Variants in ATP9B observed in about 807,000 individuals in gnomAD.
The protein encoded by ATP9B is probable phospholipid-transporting ATPase IIB.
In ATP9B, 110 loss-of-function variants were observed where a neutral mutation model predicts 146.1. The observed-to-expected ratio is 0.75, with a 90% CI of 0.65 to 0.88. The LOEUF (loss-of-function observed/expected upper bound fraction) is 0.88. Ranked by LOEUF, ATP9B falls within the 40% of genes least tolerant of loss-of-function variation. ATP9B has a pLI of 0.00. For synonymous variants in ATP9B, 604 were observed against 569.7 expected, an observed-to-expected ratio of 1.06 and a Z score of -0.86; for missense variants, 1,499 against 1,496.4, an observed-to-expected ratio of 1.00 and a Z score of -0.03.
intron 11 of ATP9B, among the ~76,000 whole-genome samples, chr18:79,224,480 G>A (rs1196195795): frequency 2.0e-5 from 3 of 152,166 alleles, no homozygotes; most frequent in Non-Finnish European, 4.4e-5. Context: ...ACCTTCCCCA[G>A]GAGGATTTCT....
At chr18:79,306,870 AG>A (rs1350446162) in intron 14 of ATP9B, 115 bp from the exon 15 acceptor site, 7 of 1,202,098 alleles carry the variant, frequency 5.8e-6, no homozygotes, top group Non-Finnish European at 8.0e-6. Context: ...GAATCAAATC[AG>A]GCTACTTATT....
chr18:79,174,413 C>T, intron 7 of ATP9B, among the ~76,000 whole-genome samples: 1 of 152,208 alleles, frequency 6.6e-6, no homozygotes, highest in East Asian at 1.9e-4. Flanking sequence ...ATACCATAAA[C>T]TATTGAACAG....
At chr18:79,127,664 A>G (rs924266346) in intron 5 of ATP9B, among the ~76,000 whole-genome samples, 2 of 152,208 alleles carry the variant, frequency 1.3e-5, no homozygotes, top group African/African-American at 2.4e-5. Flanking sequence ...TAATGCAGCT[A>G]TGGACATTTG....
At chr18:79,365,426 C>G (rs1349606552) in intron 26 of ATP9B, among the ~76,000 whole-genome samples, 1 of 152,250 alleles carries the variant, frequency 6.6e-6, no homozygotes, top group Non-Finnish European at 1.5e-5. Context: ...GATACAGCCT[C>G]TTCGGAAGAC....
intron 11 of ATP9B, among the ~76,000 whole-genome samples, chr18:79,240,972 A>G (rs557777386): frequency 6.6e-6 from 1 of 152,290 alleles, no homozygotes; most frequent in African/African-American, 2.4e-5. Context: ...TGGAATAGAC[A>G]TAGTAAGACC....
chr18:79,320,941 T>C (rs2096712416), intron 15 of ATP9B, among the ~76,000 whole-genome samples: 2 of 152,192 alleles, frequency 1.3e-5, no homozygotes, highest in East Asian at 1.9e-4. Context: ...TTACATACTT[T>C]AGGAAAGTGT....
At chr18:79,344,466 ATGTCTGTC>A (rs368352912) in intron 21 of ATP9B, 112 bp downstream of exon 21, 8 of 921,172 alleles carry the variant, frequency 8.7e-6, no homozygotes, top group East Asian at 7.7e-5. Context: ...GAGTGAGTAC[ATGTCTGTC>A]TGTCTGTCTG....
intron 14 of ATP9B, 117 bp from the exon 15 acceptor site, chr18:79,306,869 C>A: frequency 2.5e-6 from 3 of 1,194,980 alleles, no homozygotes; most frequent in Non-Finnish European, 2.3e-6. Flanking sequence ...AGAATCAAAT[C>A]AGGCTACTTA....
rs2096623969 is a variant in ATP9B at position 79,307,125 on chromosome 18, C to G, written c.1664C>G (p.Thr555Ser). Residue 555 changes from threonine (T) to serine (S), a missense_variant, in exon 15 of 30, where the codon ACC becomes AGC. Physicochemically the swap from Thr to Ser is moderately conservative, Grantham distance 58. Transcript: ENST00000426216. ...VKAIVLCHNV[T>S]PVYESRAGVT... ...GCCATCGTGCTGTGTCACAACGTGA[C>G]CCCCGTGTATGAGTCTCGGGCCGGC... is the stretch of plus-strand genomic sequence containing the variant. The G allele has an allele frequency of 6.2e-7, 1 of 1,614,212 alleles. No individual in the cohort carries two copies. Among genetic ancestry groups the G allele is most frequent in the Non-Finnish European group, 8.5e-7 (1 of 1,180,044 alleles).
chr18:79,319,988 G>T (rs895650523), intron 15 of ATP9B, among the ~76,000 whole-genome samples: 1 of 152,206 alleles, frequency 6.6e-6, no homozygotes, highest in Non-Finnish European at 1.5e-5. Context: ...TAAACTCAGA[G>T]CCCAGATTGC....
chr18:79,211,707 G>T (rs1206370841), intron 10 of ATP9B, among the ~76,000 whole-genome samples: 4 of 152,114 alleles, frequency 2.6e-5, no homozygotes, highest in South Asian at 4.2e-4. Context: ...TTAAATTTTT[G>T]ATTTAATGAT....
chr18:79,303,178 G>A (rs1258829807), intron 13 of ATP9B, among the ~76,000 whole-genome samples: 2 of 152,144 alleles, frequency 1.3e-5, no homozygotes, highest in Admixed American at 1.3e-4. Context: ...GCTGGGCAAT[G>A]TAGGGAGTCA....
At chr18:79,126,568 T>C (rs2094290632) in intron 5 of ATP9B, among the ~76,000 whole-genome samples, 193 bp downstream of exon 5, 1 of 152,262 alleles carries the variant, frequency 6.6e-6, no homozygotes. Flanking sequence ...ATTCTCTAGC[T>C]GTTTGGATGT....
At chr18:79,111,380 G>T (rs967724190) in intron 3 of ATP9B, among the ~76,000 whole-genome samples, 9 of 151,960 alleles carry the variant, frequency 5.9e-5, no homozygotes, top group African/African-American at 2.2e-4. Context: ...ATTTGGCATT[G>T]ATTTTACTCC....
chr18:79,077,479 T>A (rs1179121388), intron 1 of ATP9B, among the ~76,000 whole-genome samples: 2 of 152,196 alleles, frequency 1.3e-5, no homozygotes, highest in African/African-American at 2.4e-5. Flanking sequence ...TGTTACCTTT[T>A]AGAAGGTGGT....
chr18:79,369,403 G>T (rs562695736), intron 26 of ATP9B, among the ~76,000 whole-genome samples: 9 of 152,064 alleles, frequency 5.9e-5, no homozygotes, highest in Middle Eastern at 3.4e-3. Context: ...TGTGGTGGCG[G>T]GCGCCTGTAG....
rs186846203 is a variant in ATP9B at position 79,268,997 on chromosome 18, G to A, written c.1269-8057G>A. On this transcript the variant is annotated intron_variant, in intron 12 of 29. Coordinates refer to ENST00000426216, the MANE Select transcript of ATP9B (RefSeq NM_198531.5). ...CCGCTTTTCTATCCTCTCCTCATTGGTGGCATTGTACGCTCTACCCTACAT... is the reference window on the plus strand; with the variant it reads ...CCGCTTTTCTATCCTCTCCTCATTGATGGCATTGTACGCTCTACCCTACAT... Among the ~76,000 whole-genome samples the A allele has an allele frequency of 1.7e-3, 254 of 152,168 alleles. 4 individuals carry two copies. The highest frequency in any genetic ancestry group is 5.8e-3 in the African/African-American group (239 of 41,498).
At chr18:79,343,250 G>T (rs1165916455) in intron 20 of ATP9B, among the ~76,000 whole-genome samples, 1 of 152,132 alleles carries the variant, frequency 6.6e-6, no homozygotes, top group Non-Finnish European at 1.5e-5. Flanking sequence ...TGACTTTTCA[G>T]TGTTATAGCA....
intron 9 of ATP9B, among the ~76,000 whole-genome samples, chr18:79,194,022 C>T (rs950397400): frequency 2.6e-5 from 4 of 152,120 alleles, no homozygotes; most frequent in East Asian, 3.9e-4. Flanking sequence ...CCTGTGAGGT[C>T]GTTAAAGTCC....
Sources: gnomAD v4.1 joint callset for allele counts (sites outside exome capture counted in the v4.1 genomes callset) on GRCh38, gnomAD v4.1.1 for gene constraint, MANE v1.5 for transcripts, NCBI Gene and HGNC (gene_info 2026-07-23, HGNC 2026-07-21) for gene names.